The following TENM3 variants were observed in gnomAD, a reference collection of about 807,000 sequenced individuals.
TENM3 encodes teneurin transmembrane protein 3.
In TENM3, 63 loss-of-function variants were observed where a neutral mutation model predicts 255.1. The ratio of observed to expected loss-of-function variants is 0.25; its 90% CI spans 0.20 to 0.30. The LOEUF is 0.30. Among genes scored for constraint, TENM3 ranks in the 10% least tolerant of loss-of-function variants. The pLI, the probability that TENM3 is intolerant of heterozygous loss-of-function variation, is 1.00. For missense variants in TENM3, 2,929 were observed against 3,461.1 expected, an observed-to-expected ratio of 0.85 and a Z score of 3.86; for synonymous variants, 1,306 against 1,322.3, an observed-to-expected ratio of 0.99 and a Z score of 0.27.
At chr4:182,402,408 TA>T (rs1302056693) in intron 3 of TENM3, among the ~76,000 whole-genome samples, 2 of 152,124 alleles carry the variant, frequency 1.3e-5, no homozygotes, top group Non-Finnish European at 2.9e-5. Context: ...GCTGTTACAG[TA>T]AAAACAAGGT....
At chr4:181,930,828 A>G in the TENM3 span, among the ~76,000 whole-genome samples, 1 of 152,160 alleles carries the variant, frequency 6.6e-6, no homozygotes, top group African/African-American at 2.4e-5. Flanking sequence ...TGATCCCGTC[A>G]GCTTCATACC....
the TENM3 span, among the ~76,000 whole-genome samples, chr4:182,097,133 A>C: frequency 6.6e-6 from 1 of 152,252 alleles, no homozygotes; most frequent in African/African-American, 2.4e-5. Context: ...CAATTTCTTG[A>C]TCTGAGTGGT....
the TENM3 span, among the ~76,000 whole-genome samples, chr4:181,605,817 A>G: frequency 6.6e-6 from 1 of 152,174 alleles, no homozygotes; most frequent in Non-Finnish European, 1.5e-5. Flanking sequence ...ACAAGTTAGC[A>G]GTTAAAATCT....
At chr4:181,484,845 C>T in the TENM3 span, among the ~76,000 whole-genome samples, 8 of 151,796 alleles carry the variant, frequency 5.3e-5, no homozygotes, top group Non-Finnish European at 8.8e-5. Flanking sequence ...TATGTAAGGC[C>T]GGGCTAGCTA....
chr4:182,281,212 C>A (rs1003006412), intron 1 of TENM3, among the ~76,000 whole-genome samples: 1 of 152,174 alleles, frequency 6.6e-6, no homozygotes, highest in African/African-American at 2.4e-5. Flanking sequence ...TTAAGTGTGA[C>A]AGCCTTGGTA....
At chr4:182,526,317 C>T (rs1159000505) in intron 3 of TENM3, among the ~76,000 whole-genome samples, 1 of 151,994 alleles carries the variant, frequency 6.6e-6, no homozygotes, top group Non-Finnish European at 1.5e-5. Context: ...TAGAGGCAGT[C>T]CCTAACTATC....
the TENM3 span, among the ~76,000 whole-genome samples, chr4:182,037,150 A>ATTTTTTTTTTTTTTTTTTT: frequency 2.4e-4 from 35 of 144,664 alleles, 1 homozygote; most frequent in African/African-American, 8.6e-4. Context: ...AACTCCTTTT[A>ATTTTTTTTTTTTTTTTTTT]TTTTTTTTTT....
chr4:182,113,433 T>C, the TENM3 span, among the ~76,000 whole-genome samples: 1 of 152,080 alleles, frequency 6.6e-6, no homozygotes, highest in Non-Finnish European at 1.5e-5. Context: ...GTTTGGGGAG[T>C]AGGAATAGAT....
the TENM3 span, among the ~76,000 whole-genome samples, chr4:181,720,172 CT>C: frequency 6.6e-6 from 1 of 152,190 alleles, no homozygotes; most frequent in Non-Finnish European, 1.5e-5. Flanking sequence ...TTCTCCTCTT[CT>C]GAAACAGAAT....
intron 1 of TENM3, among the ~76,000 whole-genome samples, chr4:182,277,655 G>A (rs1400620910): frequency 1.3e-5 from 2 of 152,152 alleles, no homozygotes; most frequent in Admixed American, 6.5e-5. Context: ...GCAGTACGGC[G>A]TTGCCTTATG....
the TENM3 span, among the ~76,000 whole-genome samples, chr4:181,797,763 A>T: frequency 1.3e-5 from 2 of 152,216 alleles, no homozygotes; most frequent in Non-Finnish European, 2.9e-5. Flanking sequence ...ACGTTCTGTT[A>T]TTGCCATGCA....
At chr4:181,455,081 C>T in the TENM3 span, among the ~76,000 whole-genome samples, 5 of 152,052 alleles carry the variant, frequency 3.3e-5, no homozygotes, top group African/African-American at 2.4e-5. Context: ...GAAAGAGAAC[C>T]GGGATCAGAG....
the TENM3 span, among the ~76,000 whole-genome samples, chr4:181,800,632 CA>C: frequency 8.6e-4 from 131 of 152,110 alleles, no homozygotes; most frequent in Non-Finnish European, 1.1e-3. Flanking sequence ...GACTCCATCT[CA>C]AAAAAAGAAT....
At chr4:181,850,365 T>C in the TENM3 span, among the ~76,000 whole-genome samples, 5 of 152,108 alleles carry the variant, frequency 3.3e-5, no homozygotes, top group African/African-American at 1.2e-4. Context: ...AATATAAATT[T>C]GATACATTTT....
At chr4:181,836,181 A>G in the TENM3 span, among the ~76,000 whole-genome samples, 2 of 63,274 alleles carry the variant, frequency 3.2e-5, no homozygotes, top group Non-Finnish European at 7.0e-5. Flanking sequence ...TCATACACAC[A>G]TGCACACACA....
chr4:181,841,190 A>G, the TENM3 span, among the ~76,000 whole-genome samples: 54 of 152,204 alleles, frequency 3.5e-4, 1 homozygote, highest in African/African-American at 1.3e-3. Context: ...ATTACCTTCT[A>G]TGATTTGATC....
the TENM3 span, chr4:181,905,936 C>T: frequency 2.3e-5 from 13 of 570,896 alleles, no homozygotes; most frequent in African/African-American, 1.1e-4. Context: ...GCTCCAACTT[C>T]GGTTTCAGAA....
At chr4:182,287,739 G>A (rs141527604) in intron 1 of TENM3, among the ~76,000 whole-genome samples, 24 of 151,198 alleles carry the variant, frequency 1.6e-4, no homozygotes, top group Middle Eastern at 3.4e-3. Context: ...TCAGCCTCCC[G>A]AGTAGCTGGG....
intron 3 of TENM3, among the ~76,000 whole-genome samples, chr4:182,480,043 G>T (rs1653338741): frequency 6.6e-6 from 1 of 151,886 alleles, no homozygotes; most frequent in African/African-American, 2.4e-5. Flanking sequence ...GGGTATGATG[G>T]ATAGCAACAG....
Sources: allele counts gnomAD v4.1 joint callset (sites outside exome capture counted in the v4.1 genomes callset), GRCh38; gene constraint gnomAD v4.1.1; transcripts MANE v1.5; gene names NCBI Gene and HGNC (gene_info 2026-07-23, HGNC 2026-07-21).